The following BOD1L1 variants were observed in gnomAD, a reference collection of about 807,000 sequenced individuals.
The protein encoded by BOD1L1 is biorientation of chromosomes in cell division 1 like 1.
Under a neutral mutation model 240.7 loss-of-function variants are expected in BOD1L1, and 86 were observed. The observed-to-expected ratio is 0.36, with a 90% CI of 0.30 to 0.43. The LOEUF is 0.43. BOD1L1 is among the 20% of genes least tolerant of loss of function. The pLI is 1.00. For synonymous variants in BOD1L1, 1,268 were observed against 1,272.3 expected (o/e 1.00, Z 0.07); for missense variants, 3,554 against 3,643.5 (o/e 0.98, Z 0.63).
intron 10 of BOD1L1, among the ~76,000 whole-genome samples, chr4:13,597,788 A>G (rs768980533): frequency 6.6e-6 from 1 of 152,214 alleles, no homozygotes; most frequent in Non-Finnish European, 1.5e-5. Context: ...AAACTTCTGG[A>G]GCATTCAATT....
In BOD1L1 at chr4:13,604,902, C is replaced by T; in HGVS notation, c.1998G>A (p.Gly666=). The change falls in exon 10 of 26, where the codon GGG becomes GGA. Residue 666 remains glycine, a synonymous_variant. Transcript: ENST00000040738. ...RRTSTPVIME[G]VQEETDTRDV... ...CTCTTGTGTCAGTCTCTTCCTGTACCCCCTCCATGATAACAGGGGTAGATG... is the reference window on the plus strand; with the variant it reads ...CTCTTGTGTCAGTCTCTTCCTGTACTCCCTCCATGATAACAGGGGTAGATG... The T allele has an allele frequency of 1.2e-6, 2 of 1,613,260 alleles. No individual in the cohort carries two copies. The highest frequency in any genetic ancestry group is 1.3e-5 in the African/African-American group (1 of 74,954).
At chr4:13,591,177 C>A (rs920535900) in intron 13 of BOD1L1, among the ~76,000 whole-genome samples, 1 of 152,122 alleles carries the variant, frequency 6.6e-6, no homozygotes, top group African/African-American at 2.4e-5. Context: ...GTAGCTGGGA[C>A]TATAGGCCAT....
chr4:13,614,032 A>G (rs1716380067), intron 4 of BOD1L1, among the ~76,000 whole-genome samples, 164 bp downstream of exon 4: 1 of 152,198 alleles, frequency 6.6e-6, no homozygotes. Context: ...ATATGAGTAC[A>G]CAAAAATACA....
At chr4:13,596,262 C>T (rs760864127) in intron 11 of BOD1L1, among the ~76,000 whole-genome samples, 2 of 152,120 alleles carry the variant, frequency 1.3e-5, no homozygotes, top group South Asian at 2.1e-4. Flanking sequence ...CACAGCTCAC[C>T]GTGAACCACT....
chr4:13,620,033 T>C lies in BOD1L1; in HGVS notation c.278A>G (p.Asn93Ser), dbSNP rs753452287. The change falls in exon 2 of 26, where the codon AAC becomes AGC. Residue 93 changes from asparagine to serine, a missense_variant. Transcript: ENST00000040738. The part of the protein sequence containing the change: ...AYQNLRQRVD[N>S]FVANHLATHT... ...AGTTGCCAAGTGATTTGCAACAAAG[T>C]TGTCAACACGCTGTCTCAGATTCTG... is the stretch of plus-strand genomic sequence containing the variant. 3.7e-6 allele frequency: 6 copies of C among 1,609,308 alleles called. No homozygotes were observed. The highest frequency in any genetic ancestry group is 2.7e-5 in the African/African-American group (2 of 74,872).
chr4:13,586,975 C>T (rs1467895261), intron 16 of BOD1L1, among the ~76,000 whole-genome samples: 5 of 152,124 alleles, frequency 3.3e-5, no homozygotes, highest in African/African-American at 1.2e-4. Flanking sequence ...TACCTGAATA[C>T]ATCAGGAACT....
rs1488330661 is a variant in BOD1L1, at chr4:13,568,937, G to T, written c.*1074C>A. On this transcript the variant is annotated 3_prime_UTR_variant, in exon 26 of 26. Transcript: ENST00000040738. ...TTATTTGGCAACTCATCACATCATT[G>T]CAAGAGACAAATTTGATCGTAAGAA... 1 of 151,976 alleles carries T rather than the reference G, an allele frequency of 6.6e-6. No homozygotes were observed. The highest frequency in any genetic ancestry group is 1.5e-5 in the Non-Finnish European group (1 of 67,998). 9.4% of individuals were successfully genotyped at this position (151,976 alleles called of 1,614,324 possible).
chr4:13,577,077 A>G lies in BOD1L1; in HGVS notation c.8885-86T>C, dbSNP rs1712814782. 4.0e-5 allele frequency: 59 copies of G among 1,469,780 alleles called. No individual in the cohort carries two copies. The South Asian group carries it at 7.7e-4, about 19-fold the overall frequency. 91.0% of individuals were successfully genotyped at this position (1,469,780 alleles called of 1,614,324 possible). ...AGAGTCATGGAGTTTAGAACTTAGG[A>G]TATTAGGGACTTGGAGGCAGAGAAA... On this transcript the variant is annotated intron_variant, in intron 24 of 25. Transcript: ENST00000040738.
At position 13,569,901 on chromosome 4, in the gene BOD1L1, C is replaced by T. The variant is rs1454527020; in HGVS notation, c.*110G>A. 1.2e-5 allele frequency: 8 copies of T among 683,194 alleles called. 1 individual carries two copies. In the South Asian group the frequency reaches 1.7e-4, roughly 15 times the overall value. The allele number at this position is 683,194 out of a possible 1,614,324, so 42.3% of individuals were successfully genotyped here. ...GAAAAAGCTTGCACCTAGGGACTTA[C>T]AGCACATGCATATCTTTTTCCTGGT... On this transcript the variant is annotated 3_prime_UTR_variant, in exon 26 of 26. Transcript: ENST00000040738.
At position 13,595,879 on chromosome 4, in the gene BOD1L1, C is replaced by T. The variant is rs555365971; in HGVS notation, c.8085G>A (p.Gly2695=). 6.2e-7 allele frequency: 1 copy of T among 1,613,692 alleles called. No homozygotes were observed. Among genetic ancestry groups the T allele is most frequent in the Non-Finnish European group, 8.5e-7 (1 of 1,179,818 alleles). The change falls in exon 12 of 26, where the codon GGG becomes GGA. Residue 2695 remains glycine (G), a synonymous_variant. Transcript: ENST00000040738. ...GCTCACCTATTCCACTTGGCTTTCC[C>T]CCACACAGACTTTCTGGTGGTGCCA... is the stretch of plus-strand genomic sequence containing the variant. ...EILAPPESLC[G]GKPSGIAELQ...
chr4:13,600,331 A>G lies in BOD1L1; in HGVS notation c.6569T>C (p.Phe2190Ser). ...GGGCGCACTGGGCATAGGCCCCTCA[A>G]AGTCGGCGGTGCTTATCAAGACTGG... is the stretch of plus-strand genomic sequence containing the variant. ...TGPVLISTAD[F>S]EGPMPSAPPE... The change falls in exon 10 of 26, where the codon TTT (phenylalanine) becomes TCT (serine). Residue 2190 changes from phenylalanine (F) to serine (S), a missense_variant. Phe to Ser is a radical substitution (Grantham distance 155). Transcript: ENST00000040738. The G allele has an allele frequency of 6.2e-7, 1 of 1,614,020 alleles. No individual in the cohort carries two copies. The highest frequency in any genetic ancestry group is 1.3e-5 in the African/African-American group (1 of 75,052).
Position 13,569,534 on chromosome 4 carries a change from A to G in BOD1L1, c.*477T>C, listed in dbSNP as rs188708986. 1.8e-4 allele frequency: 27 copies of G among 152,352 alleles called. 1 individual carries two copies. The highest frequency in any genetic ancestry group is 1.6e-3 in the Admixed American group (24 of 15,306). 9.4% of individuals were successfully genotyped at this position (152,352 alleles called of 1,614,324 possible). ...CCCTTTTTATTTAAAAAAAAAATAA[A>G]GTAAAATAAACAGATATATAGTAAA... On this transcript the variant is annotated 3_prime_UTR_variant, in exon 26 of 26. Transcript: ENST00000040738.
intron 7 of BOD1L1, 39 bp downstream of exon 7, chr4:13,609,256 T>C (rs371228220): frequency 8.3e-6 from 10 of 1,200,542 alleles, no homozygotes; most frequent in African/African-American, 6.4e-5. Context: ...TAATGAAATA[T>C]ATGAGATAGT....
rs778654982 is a variant in BOD1L1, at chr4:13,602,565, G to A, written c.4335C>T (p.Gly1445=). ...KDGIAVDHVV[G]LNTEKYAETV... Reference sequence around the variant, plus strand: ...TTTCAGCATATTTTTCTGTATTCAGGCCTACAACATGATCAACAGCAATGC... The same window carrying A: ...TTTCAGCATATTTTTCTGTATTCAGACCTACAACATGATCAACAGCAATGC... The change falls in exon 10 of 26, where the codon GGC becomes GGT. Residue 1445 remains glycine (G), a synonymous_variant. Coordinates refer to ENST00000040738, the MANE Select transcript of BOD1L1 (RefSeq NM_148894.3). 1.4e-5 allele frequency: 22 copies of A among 1,613,862 alleles called. No individual in the cohort carries two copies. In the Middle Eastern group the frequency reaches 8.3e-4, roughly 61 times the overall value.
chr4:13,604,468 T>C lies in BOD1L1; in HGVS notation c.2432A>G (p.Glu811Gly). The C allele has an allele frequency of 1.3e-6, 2 of 1,542,228 alleles. No homozygotes were observed. The highest frequency in any genetic ancestry group is 1.7e-6 in the Non-Finnish European group (2 of 1,154,512). Residue 811 changes from glutamate (E) to glycine (G), a missense_variant, in exon 10 of 26, where the codon GAA becomes GGA. Transcript: ENST00000040738. Reference sequence around the variant, plus strand: ...ATTCTCATCTGTTTTTATAATATATTCAGAAACTGGCTTTCCATCTTTGCC... The same window carrying C: ...ATTCTCATCTGTTTTTATAATATATCCAGAAACTGGCTTTCCATCTTTGCC... ...VLGKDGKPVSEYIIKTDENVR... is the reference protein window; with the variant it reads ...VLGKDGKPVSGYIIKTDENVR...
chr4:13,576,686 T>A (rs897196879), intron 25 of BOD1L1, among the ~76,000 whole-genome samples, 152 bp downstream of exon 25: 1 of 152,086 alleles, frequency 6.6e-6, no homozygotes, highest in Non-Finnish European at 1.5e-5. Flanking sequence ...CTCCAAGAAC[T>A]ATGTGCCCAC....
At chr4:13,610,369 C>G (rs1560211802) in intron 6 of BOD1L1, among the ~76,000 whole-genome samples, 2 of 152,174 alleles carry the variant, frequency 1.3e-5, no homozygotes, top group Non-Finnish European at 2.9e-5. Flanking sequence ...TTAAACATTT[C>G]CATACTGTGA....
At chr4:13,595,401 G>C (rs959321385) in intron 12 of BOD1L1, among the ~76,000 whole-genome samples, 4 of 152,196 alleles carry the variant, frequency 2.6e-5, no homozygotes, top group Non-Finnish European at 5.9e-5. Flanking sequence ...TGCACAGAGA[G>C]ACTGAGATGA....
chr4:13,595,312 A>C (rs1714532870), intron 12 of BOD1L1, among the ~76,000 whole-genome samples: 1 of 152,242 alleles, frequency 6.6e-6, no homozygotes, highest in African/African-American at 2.4e-5. Context: ...TTGAGACCAA[A>C]ACGTTTAAGA....
Sources: allele counts gnomAD v4.1 joint callset (sites outside exome capture counted in the v4.1 genomes callset), GRCh38; gene constraint gnomAD v4.1.1; transcripts MANE v1.5; gene names NCBI Gene and HGNC (gene_info 2026-07-23, HGNC 2026-07-21).